The following TIPARP variants were observed in gnomAD, a reference collection of about 807,000 sequenced individuals.
TIPARP encodes protein mono-ADP-ribosyltransferase TIPARP.
TIPARP carries 12 observed loss-of-function variants against 56.5 expected under a neutral mutation model. The ratio of observed to expected loss-of-function variants is 0.21; its 90% CI spans 0.14 to 0.34. The LOEUF (loss-of-function observed/expected upper bound fraction) is 0.34. Among genes scored for constraint, TIPARP ranks in the 10% least tolerant of loss-of-function variants. The pLI is 1.00. For missense variants in TIPARP, 604 were observed against 781.6 expected (o/e 0.77, Z 2.71); for synonymous variants, 296 against 265.7 (o/e 1.11, Z -1.11).
intron 4 of TIPARP, among the ~76,000 whole-genome samples, chr3:156,702,664 A>G (rs1722881405): frequency 6.6e-6 from 1 of 152,224 alleles, no homozygotes; most frequent in African/African-American, 2.4e-5. Flanking sequence ...TGGCCAAGGA[A>G]TATGATTTAA....
intron 2 of TIPARP, among the ~76,000 whole-genome samples, chr3:156,678,903 C>T (rs774713182): frequency 6.4e-4 from 97 of 152,330 alleles, no homozygotes; most frequent in Admixed American, 1.2e-3. Context: ...CTGTTTTAAT[C>T]ACCCAAGGAA....
intron 5 of TIPARP, among the ~76,000 whole-genome samples, chr3:156,704,416 C>T (rs1485081584): frequency 6.6e-6 from 1 of 152,082 alleles, no homozygotes; most frequent in Non-Finnish European, 1.5e-5. Context: ...AGGAATTAGG[C>T]AAGGAGGGCA....
In TIPARP at chr3:156,705,992, G is replaced by C. The variant is rs1722971598; in HGVS notation, c.*861G>C. On this transcript the variant is annotated 3_prime_UTR_variant, in exon 6 of 6. Coordinates refer to ENST00000295924, the MANE Select transcript of TIPARP (RefSeq NM_015508.5). The stretch of plus-strand genomic sequence containing the variant: ...TTCCAGACCTAGCTTGTGACTGAAA[G>C]TTTTAGAAAAAGGAAGTACATCTAT... 1.3e-5 allele frequency: 2 copies of C among 152,604 alleles called. No homozygotes were observed. The highest frequency in any genetic ancestry group is 4.8e-5 in the African/African-American group (2 of 41,442). 9.5% of individuals were successfully genotyped at this position (152,604 alleles called of 1,614,324 possible). A position where few individuals can be genotyped will look rare whatever the true frequency, so the allele number is the denominator to read the frequency against.
Position 156,677,786 on chromosome 3 carries a change from C to T in TIPARP, c.89C>T (p.Ser30Phe), listed in dbSNP as rs1722182205. The change falls in exon 2 of 6, where the codon TCT becomes TTT. Residue 30 changes from serine (S) to phenylalanine (F), a missense_variant. By Grantham distance (155) the Ser-to-Phe change is radical. Coordinates refer to ENST00000295924, the MANE Select transcript of TIPARP (RefSeq NM_015508.5). ...PDDFSCQMRL[S>F]EKITPLKTCF... ...GACTTTTCATGCCAAATGAGACTCT[C>T]TGAGAAGATCACTCCATTGAAGACT... is the stretch of plus-strand genomic sequence containing the variant. 6.2e-7 allele frequency: 1 copy of T among 1,614,056 alleles called. No homozygotes were observed.
At chr3:156,691,256 A>G (rs1722567159) in intron 2 of TIPARP, among the ~76,000 whole-genome samples, 1 of 152,188 alleles carries the variant, frequency 6.6e-6, no homozygotes, top group African/African-American at 2.4e-5. Flanking sequence ...CTTCTTGCAG[A>G]AAGCTATCTT....
intron 3 of TIPARP, among the ~76,000 whole-genome samples, 155 bp from the exon 4 acceptor site, chr3:156,695,710 A>C (rs755102655): frequency 6.6e-6 from 1 of 152,152 alleles, no homozygotes; most frequent in Non-Finnish European, 1.5e-5. Flanking sequence ...GGAAGGGAAA[A>C]AAAATCTTAG....
rs909749655 is a variant in TIPARP, at chr3:156,674,849, C to G, written c.-42+53C>G. 2.0e-5 allele frequency: 3 copies of G among 152,896 alleles called. No individual in the cohort carries two copies. In the East Asian group the frequency reaches 5.8e-4, roughly 30 times the overall value. 9.5% of individuals were successfully genotyped at this position (152,896 alleles called of 1,614,324 possible). On this transcript the variant is annotated intron_variant, in intron 1 of 5. Transcript: ENST00000295924. ...GGCTGAAGAACCCTAGCGGGGAGTG[C>G]GAGCGCCGGCCTCGCGGCTCCGGCC...
chr3:156,692,736 T>C (rs990427897), intron 2 of TIPARP, among the ~76,000 whole-genome samples: 2 of 152,176 alleles, frequency 1.3e-5, no homozygotes, highest in African/African-American at 4.8e-5. Context: ...ATAATCTGTT[T>C]TTCAAATATT....
At chr3:156,704,085 G>A (rs1722919358) in intron 5 of TIPARP, among the ~76,000 whole-genome samples, 1 of 151,074 alleles carries the variant, frequency 6.6e-6, no homozygotes, top group Non-Finnish European at 1.5e-5. Context: ...GAACATAATA[G>A]TAAACATTTG....
intron 2 of TIPARP, among the ~76,000 whole-genome samples, chr3:156,691,079 A>G (rs1722561877): frequency 6.6e-6 from 1 of 151,958 alleles, no homozygotes; most frequent in Non-Finnish European, 1.5e-5. Flanking sequence ...CCATTTCCTC[A>G]TCTCTCAGAT....
At chr3:156,692,484 T>G (rs1170484309) in intron 2 of TIPARP, among the ~76,000 whole-genome samples, 1 of 152,110 alleles carries the variant, frequency 6.6e-6, no homozygotes, top group Non-Finnish European at 1.5e-5. Context: ...TTATATTATC[T>G]TATTTCATAC....
intron 2 of TIPARP, among the ~76,000 whole-genome samples, chr3:156,684,776 A>G (rs1239625371): frequency 6.6e-6 from 1 of 152,190 alleles, no homozygotes; most frequent in Non-Finnish European, 1.5e-5. Context: ...GCTTATTTTT[A>G]TATTTATAGA....
rs757054333 is a variant in TIPARP at position 156,677,828 on chromosome 3, A to T, written c.131A>T (p.Asp44Val). 1 of 1,614,072 alleles carries T rather than the reference A, an allele frequency of 6.2e-7. No homozygotes were observed. The highest frequency in any genetic ancestry group is 1.3e-5 in the African/African-American group (1 of 74,906). Residue 44 changes from aspartate to valine, a missense_variant, in exon 2 of 6, where the codon GAT (aspartate) becomes GTT (valine). By Grantham distance (152) the Asp-to-Val change is radical. Around this residue, in one of 4 missense-constraint regions of TIPARP, gnomAD observed 261 missense variants for 279.2 expected, o/e 0.93. Transcript: ENST00000295924. ...TPLKTCFKKK[D>V]QKRLGTGTLR... is the part of the protein sequence containing the mutation. ...TTGAAGACTTGTTTTAAGAAAAAGG[A>T]TCAGAAAAGATTGGGAACTGGAACC...
intron 3 of TIPARP, among the ~76,000 whole-genome samples, chr3:156,694,948 T>A (rs1406985642): frequency 6.6e-6 from 1 of 152,228 alleles, no homozygotes; most frequent in Non-Finnish European, 1.5e-5. Flanking sequence ...AAACCTAGTA[T>A]GTTAATTATT....
rs1409055219 is a variant in TIPARP, at chr3:156,705,843, T to C, written c.*712T>C. On this transcript the variant is annotated 3_prime_UTR_variant, in exon 6 of 6. Transcript: ENST00000295924. ...GTGATATGAAATGTGATTTTTGTGT[T>C]GTTAAACTTCAGCTTTGGAAAACTC... 1 of 152,664 alleles carries C rather than the reference T, an allele frequency of 6.6e-6. No homozygotes were observed. The highest frequency in any genetic ancestry group is 1.5e-5 in the Non-Finnish European group (1 of 68,038). The allele number at this position is 152,664 out of a possible 1,614,324, so 9.5% of individuals were successfully genotyped here.
At chr3:156,680,921 A>G (rs1304433058) in intron 2 of TIPARP, among the ~76,000 whole-genome samples, 1 of 152,200 alleles carries the variant, frequency 6.6e-6, no homozygotes, top group Non-Finnish European at 1.5e-5. Context: ...GTTAGTGGTA[A>G]TAAGTGGTCC....
chr3:156,705,037 T>C lies in TIPARP; in HGVS notation c.1880T>C (p.Phe627Ser). 1 of 1,614,168 alleles carries C rather than the reference T, an allele frequency of 6.2e-7. No individual in the cohort carries two copies. Among genetic ancestry groups the C allele is most frequent in the Non-Finnish European group, 8.5e-7 (1 of 1,180,014 alleles). ...DLYDSCVDNF[F>S]EPQIFVIFND... ...TATGACTCTTGTGTGGATAATTTCT[T>C]TGAGCCTCAGATTTTTGTCATTTTT... Residue 627 changes from phenylalanine (F) to serine (S), a missense_variant, in exon 6 of 6, where the codon TTT (phenylalanine) becomes TCT (serine). Physicochemically the swap from Phe to Ser is radical, Grantham distance 155. Around this residue, in one of 4 missense-constraint regions of TIPARP, gnomAD observed 77 missense variants for 161.0 expected, o/e 0.48. Coordinates refer to ENST00000295924, the MANE Select transcript of TIPARP (RefSeq NM_015508.5).
At position 156,703,417 on chromosome 3, in the gene TIPARP, A is replaced by G. The variant is rs1722899980; in HGVS notation, c.1248-7A>G. On this transcript the variant is annotated splice_polypyrimidine_tract_variant and splice_region_variant and intron_variant, in intron 4 of 5. Coordinates refer to ENST00000295924, the MANE Select transcript of TIPARP (RefSeq NM_015508.5). ...TTTACATTGATGTTTCTTCCTCTCC[A>G]TTTTAGGACACTTGGTGGGGTTCCC... 6.2e-7 allele frequency: 1 copy of G among 1,613,110 alleles called. No individual in the cohort carries two copies. The highest frequency in any genetic ancestry group is 1.1e-5 in the South Asian group (1 of 90,954).
chr3:156,675,785 GGTGTCGCGGT>G (rs1468063878), intron 1 of TIPARP: 1 of 152,206 alleles, frequency 6.6e-6, no homozygotes, highest in Non-Finnish European at 1.5e-5. Flanking sequence ...CGAGGTGAGG[GGTGTCGCGGT>G]GTGTCGCCTG....
Sources: allele counts gnomAD v4.1 joint callset (sites outside exome capture counted in the v4.1 genomes callset), GRCh38; gene constraint gnomAD v4.1.1; regional missense constraint gnomAD v4.1.1; transcripts MANE v1.5; gene names NCBI Gene and HGNC (gene_info 2026-07-23, HGNC 2026-07-21).